TCF7: variants seen among roughly 807,000 people sequenced by gnomAD.
The protein encoded by TCF7 is transcription factor 7.
Under a neutral mutation model 46.8 loss-of-function variants are expected in TCF7, and 19 were observed. The observed-to-expected ratio is 0.41, with a 90% confidence interval of 0.28 to 0.60. The LOEUF is 0.60. TCF7 is among the 20% of genes least tolerant of loss of function. TCF7 has a pLI of 0.35. For missense variants in TCF7, 547 were observed against 504.6 expected (o/e 1.08, Z -0.81); for synonymous variants, 245 against 213.4 (o/e 1.15, Z -1.29).
intron 3 of TCF7, among the ~76,000 whole-genome samples, chr5:134,122,893 T>C (rs535024458): frequency 6.6e-6 from 1 of 152,200 alleles, no homozygotes; most frequent in Non-Finnish European, 1.5e-5. Flanking sequence ...AAGGGACTTA[T>C]CCAAGGCCCC....
intron 3 of TCF7, among the ~76,000 whole-genome samples, chr5:134,127,800 G>A (rs373898518): frequency 6.6e-6 from 1 of 152,244 alleles, no homozygotes; most frequent in East Asian, 1.9e-4. Flanking sequence ...TCAGGCAGTG[G>A]TCCAGAGGAA....
chr5:134,115,732 C>G, intron 2 of TCF7, 177 bp from the exon 3 acceptor site: 1 of 1,437,350 alleles, frequency 7.0e-7, no homozygotes, highest in Non-Finnish European at 9.1e-7. Flanking sequence ...TCGGGGAGGC[C>G]TGCCCTCCAG....
At chr5:134,128,524 G>A (rs964413846) in intron 3 of TCF7, among the ~76,000 whole-genome samples, 10 of 151,728 alleles carry the variant, frequency 6.6e-5, no homozygotes, top group Admixed American at 4.6e-4. Flanking sequence ...TGACCGTGGC[G>A]GCCTCAGGGC....
At chr5:134,145,652 T>C in intron 9 of TCF7, 1 of 1,369,914 alleles carries the variant, frequency 7.3e-7, no homozygotes, top group Non-Finnish European at 1.0e-6. Flanking sequence ...CAAGGAGGAG[T>C]TTGGGGTGTG....
At chr5:134,110,913 G>A (rs1418024134), upstream of TCF7, among the ~76,000 whole-genome samples, 4 of 152,198 alleles carry the variant, frequency 2.6e-5, no homozygotes, top group East Asian at 3.8e-4. Flanking sequence ...CTCAGGCCAT[G>A]AGAACATTCA....
rs1037349238 is a variant in TCF7 at position 134,114,717 on chromosome 5, A to C, written c.-190A>C. 1.6e-4 allele frequency: 59 copies of C among 364,964 alleles called. No homozygotes were observed. Among genetic ancestry groups the C allele is most frequent in the Non-Finnish European group, 2.1e-4 (58 of 282,590 alleles). The allele number at this position is 364,964 out of a possible 1,614,324, so 22.6% of individuals were successfully genotyped here. ...GGCGCCTTTGATGTTCCGACCCGCC[A>C]GCTCGCGGAGCCGCTCTGCCCCGCG... On this transcript the variant is annotated 5_prime_UTR_variant, in exon 1 of 10. Coordinates refer to ENST00000342854, the MANE Select transcript of TCF7 (RefSeq NM_003202.5).
intron 3 of TCF7, among the ~76,000 whole-genome samples, chr5:134,122,043 C>T (rs1293604199): frequency 6.6e-6 from 1 of 152,118 alleles, no homozygotes; most frequent in Non-Finnish European, 1.5e-5. Context: ...TGGAAGGCTG[C>T]GTAGTATTGG....
intron 9 of TCF7, chr5:134,144,848 C>T (rs759695527): frequency 4.0e-5 from 64 of 1,614,058 alleles, no homozygotes; most frequent in South Asian, 4.4e-5. Flanking sequence ...AACCAGCAGA[C>T]GGATTGGTGT....
intron 3 of TCF7, among the ~76,000 whole-genome samples, chr5:134,118,477 C>T (rs956568015): frequency 1.3e-5 from 2 of 152,172 alleles, no homozygotes; most frequent in Non-Finnish European, 2.9e-5. Context: ...CTGCTCTGCC[C>T]ATGTGTGGGT....
Position 134,146,332 on chromosome 5 carries a change from CT to C in TCF7, c.*30del. ...GCCCCGGGTCCCCAGCTCCCCAGGA[CT>C]CACCCTCATACCATCTGCTGCCCCG... is the stretch of plus-strand genomic sequence containing the variant. On this transcript the variant is annotated 3_prime_UTR_variant, in exon 10 of 10. Transcript: ENST00000342854. 1 of 1,613,122 alleles carries C rather than the reference CT, an allele frequency of 6.2e-7. No homozygotes were observed. Among genetic ancestry groups the C allele is most frequent in the South Asian group, 1.1e-5 (1 of 91,062 alleles).
In TCF7 at chr5:134,145,744, C is replaced by T. The variant is rs28585372; in HGVS notation, c.1076-480C>T. The T allele has an allele frequency of 0.012, 19,082 of 1,613,842 alleles. 1,004 individuals are homozygous for T. The African/African-American group carries it at 0.16, about 13-fold the overall frequency. ...TCTATTCCATTCATTCCATCAGAGACAAACTGGCCCAGAGAACTCAAGGAT... is the reference window on the plus strand; with the variant it reads ...TCTATTCCATTCATTCCATCAGAGATAAACTGGCCCAGAGAACTCAAGGAT... On this transcript the variant is annotated intron_variant, in intron 9 of 9. Coordinates refer to ENST00000342854, the MANE Select transcript of TCF7 (RefSeq NM_003202.5).
At chr5:134,134,321 G>C (rs1758561140) in intron 3 of TCF7, among the ~76,000 whole-genome samples, 1 of 152,260 alleles carries the variant, frequency 6.6e-6, no homozygotes, top group Non-Finnish European at 1.5e-5. Flanking sequence ...CAAAGAGCCA[G>C]AGCCAAGGCT....
At position 134,146,207 on chromosome 5, in the gene TCF7, C is replaced by T. The variant is rs745484987; in HGVS notation, c.1076-17C>T. 9.9e-6 allele frequency: 16 copies of T among 1,614,060 alleles called. No individual in the cohort carries two copies. The East Asian group carries it at 3.3e-4, about 34-fold the overall frequency. ...ATTCACCCTCTGTTTACAGATAACT[C>T]TCTTCACTATTCCTAGGAGGAAAAA... On this transcript the variant is annotated splice_polypyrimidine_tract_variant and intron_variant, in intron 9 of 9. Transcript: ENST00000342854.
At chr5:134,124,240 T>A (rs1347494182) in intron 3 of TCF7, among the ~76,000 whole-genome samples, 1 of 152,128 alleles carries the variant, frequency 6.6e-6, no homozygotes, top group East Asian at 1.9e-4. Context: ...TTCAGGCAGT[T>A]TGCTGTCCTG....
intron 3 of TCF7, among the ~76,000 whole-genome samples, chr5:134,118,009 A>G (rs1296852934): frequency 6.6e-6 from 1 of 152,214 alleles, no homozygotes; most frequent in Admixed American, 6.5e-5. Flanking sequence ...TGAATGTAGG[A>G]GAACCTCTTT....
chr5:134,124,599 A>G (rs1010943115), intron 3 of TCF7, among the ~76,000 whole-genome samples: 1 of 151,954 alleles, frequency 6.6e-6, no homozygotes, highest in Non-Finnish European at 1.5e-5. Context: ...CGCAGCCCCA[A>G]CTCCATAGCT....
intron 8 of TCF7, 162 bp from the exon 9 acceptor site, chr5:134,143,430 C>G: frequency 1.1e-6 from 1 of 877,878 alleles, no homozygotes; most frequent in Non-Finnish European, 1.9e-6. Context: ...AAATGCACTC[C>G]ATAGCAGCCT....
intron 3 of TCF7, among the ~76,000 whole-genome samples, chr5:134,117,830 C>T (rs1756034475): frequency 6.6e-6 from 1 of 152,236 alleles, no homozygotes. Context: ...GCCCTCCTCC[C>T]CGCGCAGCCA....
At chr5:134,122,148 C>T (rs1580810935) in intron 3 of TCF7, among the ~76,000 whole-genome samples, 1 of 152,178 alleles carries the variant, frequency 6.6e-6, no homozygotes, top group East Asian at 1.9e-4. Flanking sequence ...CTTTCAAAAC[C>T]AGGAGAGCAC....
Sources: gnomAD v4.1 joint callset for allele counts (sites outside exome capture counted in the v4.1 genomes callset) on GRCh38, gnomAD v4.1.1 for gene constraint, MANE v1.5 for transcripts, NCBI Gene and HGNC (gene_info 2026-07-23, HGNC 2026-07-21) for gene names.